The following MYO9A variants were observed in gnomAD, a reference collection of about 807,000 sequenced individuals.
The protein encoded by MYO9A is unconventional myosin-IXa.
In MYO9A, 103 loss-of-function variants were observed where a neutral mutation model predicts 293.3. That is an observed-to-expected ratio of 0.35 (90% CI 0.30 to 0.41). MYO9A has a LOEUF of 0.41. MYO9A is among the 10% of genes least tolerant of loss of function. MYO9A has a pLI of 1.00. For missense variants in MYO9A, 2,685 were observed against 3,033.0 expected (o/e 0.89, Z 2.69); for synonymous variants, 1,001 against 1,035.7 (o/e 0.97, Z 0.64).
chr15:72,001,448 G>A lies in MYO9A; in HGVS notation c.1381-1508C>T, dbSNP rs866829936. On this transcript the variant is annotated intron_variant, in intron 8 of 41. Transcript: ENST00000356056. ...GCACACCTGTAATCACAGCTACTCG[G>A]GTGGCTGAGGCAGGAGAATCACTTG... Among the ~76,000 whole-genome samples, 17 of 151,484 alleles carry A rather than the reference G, an allele frequency of 1.1e-4. No homozygotes were observed. In the Middle Eastern group the frequency reaches 0.01, roughly 91 times the overall value.
At chr15:71,828,232 C>G (rs536121592) in intron 40 of MYO9A, among the ~76,000 whole-genome samples, 21 of 152,128 alleles carry the variant, frequency 1.4e-4, no homozygotes, top group African/African-American at 5.1e-4. Flanking sequence ...TGACAGATAG[C>G]CAATCTAGGA....
intron 39 of MYO9A, among the ~76,000 whole-genome samples, chr15:71,843,998 T>C (rs1359299687): frequency 1.3e-5 from 2 of 152,234 alleles, no homozygotes; most frequent in Non-Finnish European, 2.9e-5. Context: ...ACAAAGCCTA[T>C]TTTGGTTTTA....
chr15:71,927,231 G>A (rs2058336281), intron 18 of MYO9A, among the ~76,000 whole-genome samples: 1 of 152,122 alleles, frequency 6.6e-6, no homozygotes, highest in African/African-American at 2.4e-5. Context: ...TAAGTTGTTT[G>A]GACTGCTTAT....
At chr15:72,103,391 C>T (rs1379539613) in intron 1 of MYO9A, among the ~76,000 whole-genome samples, 1 of 142,746 alleles carries the variant, frequency 7.0e-6, no homozygotes, top group African/African-American at 2.7e-5. Flanking sequence ...GCAGCAGCAG[C>T]AGAAGCAGCA....
At chr15:72,116,543 G>A (rs765525075) in intron 1 of MYO9A, among the ~76,000 whole-genome samples, 1 of 152,010 alleles carries the variant, frequency 6.6e-6, no homozygotes, top group Non-Finnish European at 1.5e-5. Flanking sequence ...GGCAACAGAA[G>A]TTTATTATTA....
chr15:71,998,050 A>G (rs2076749337), intron 9 of MYO9A, among the ~76,000 whole-genome samples: 1 of 152,218 alleles, frequency 6.6e-6, no homozygotes, highest in Non-Finnish European at 1.5e-5. Flanking sequence ...TATTCACAAT[A>G]GCAAAGACAT....
At chr15:71,860,972 A>AAAAAAAAAAAAAG (rs2056095793) in intron 33 of MYO9A, among the ~76,000 whole-genome samples, 1 of 139,920 alleles carries the variant, frequency 7.1e-6, no homozygotes, top group African/African-American at 2.5e-5. Context: ...ATCTCACCAA[A>AAAAAAAAAAAAAG]AAAAAAAAAA....
chr15:71,934,980 T>C (rs2058595287), intron 17 of MYO9A, among the ~76,000 whole-genome samples: 1 of 151,908 alleles, frequency 6.6e-6, no homozygotes. Context: ...ATTGCTAGAA[T>C]TAATGGATAA....
At chr15:72,010,511 C>A (rs2077141465) in intron 6 of MYO9A, 64 bp from the exon 7 acceptor site, 1 of 1,397,900 alleles carries the variant, frequency 7.2e-7, no homozygotes, top group Non-Finnish European at 9.9e-7. Context: ...GTGGGCCATT[C>A]AGAAATATGG....
At chr15:71,998,565 C>T (rs146134998) in intron 9 of MYO9A, among the ~76,000 whole-genome samples, 235 of 139,298 alleles carry the variant, frequency 1.7e-3, no homozygotes, top group Non-Finnish European at 1.7e-3. Flanking sequence ...TTTTTTTTGT[C>T]TTTTTTTTTC....
chr15:71,842,425 C>A (rs1276082261), intron 39 of MYO9A, among the ~76,000 whole-genome samples: 2 of 151,860 alleles, frequency 1.3e-5, no homozygotes, highest in Non-Finnish European at 2.9e-5. Flanking sequence ...AAGTTTGGTA[C>A]TATTAACCAA....
chr15:72,072,712 T>C (rs1199377100), intron 1 of MYO9A, among the ~76,000 whole-genome samples: 2 of 152,032 alleles, frequency 1.3e-5, no homozygotes. Flanking sequence ...CGGGTATAGA[T>C]GGACATAAGG....
rs2057527067 is a variant in MYO9A, at chr15:71,902,973, T to C, written c.2968A>G (p.Asn990Asp). 6.3e-7 allele frequency: 1 copy of C among 1,585,988 alleles called. No individual in the cohort carries two copies. The highest frequency in any genetic ancestry group is 1.1e-5 in the South Asian group (1 of 89,340). ...IQDFFRKINLNPDNYQVGKTM... is the reference protein window; with the variant it reads ...IQDFFRKINLDPDNYQVGKTM... ...TTTCCAACTTGATAATTATCTGGAT[T>C]AAGATTTATTTTCCTGAAGAAATCC... Residue 990 changes from asparagine to aspartate, a missense_variant, in exon 22 of 42, where the codon AAT becomes GAT. Asn to Asp is a conservative substitution (Grantham distance 23, BLOSUM62 1). Transcript: ENST00000356056.
At chr15:72,016,320 A>G (rs1038377384) in intron 6 of MYO9A, among the ~76,000 whole-genome samples, 5 of 152,156 alleles carry the variant, frequency 3.3e-5, no homozygotes, top group African/African-American at 1.2e-4. Flanking sequence ...TGGCCAATCC[A>G]AAATCTATGT....
At chr15:71,893,456 G>C (rs986471959) in intron 26 of MYO9A, 2 of 563,274 alleles carry the variant, frequency 3.6e-6, no homozygotes, top group East Asian at 3.2e-5. Context: ...AAAGTCTCTT[G>C]CACAAATTGC....
rs982823576 is a variant in MYO9A, at chr15:72,024,000, G to A, written c.999-2983C>T. Among the ~76,000 whole-genome samples, 6 of 151,832 alleles carry A rather than the reference G, an allele frequency of 4.0e-5. No individual in the cohort carries two copies. The East Asian group carries it at 7.7e-4, about 20-fold the overall frequency. On this transcript the variant is annotated intron_variant, in intron 4 of 41. Transcript: ENST00000356056. ...AGATTAACAGCTGATTTCTCATCAC[G>A]AACCATGGCAGACAGATAACGTATT...
At chr15:71,894,784 G>T (rs1247236179) in intron 25 of MYO9A, among the ~76,000 whole-genome samples, 2 of 152,146 alleles carry the variant, frequency 1.3e-5, no homozygotes, top group Non-Finnish European at 1.5e-5. Flanking sequence ...ATAGATGCCA[G>T]AATCTGATGA....
At chr15:72,101,741 C>T (rs1596577539) in intron 1 of MYO9A, among the ~76,000 whole-genome samples, 1 of 139,686 alleles carries the variant, frequency 7.2e-6, no homozygotes, top group African/African-American at 2.7e-5. Context: ...AGGTGAGGGG[C>T]GCCTCTGCCC....
At chr15:72,101,892 C>T (rs577579355) in intron 1 of MYO9A, among the ~76,000 whole-genome samples, 2 of 151,970 alleles carry the variant, frequency 1.3e-5, no homozygotes, top group African/African-American at 2.4e-5. Flanking sequence ...GACCGGCCAG[C>T]GGCCCCGCCC....
Sources: allele counts gnomAD v4.1 joint callset (sites outside exome capture counted in the v4.1 genomes callset), GRCh38; gene constraint gnomAD v4.1.1; transcripts MANE v1.5; gene names NCBI Gene and HGNC (gene_info 2026-07-23, HGNC 2026-07-21).